Variants in THADA observed in about 807,000 individuals in gnomAD.
The protein encoded by THADA is THADA armadillo repeat containing, also known as tRNA (32-2'-O)-methyltransferase regulator THADA.
THADA carries 213 observed loss-of-function variants against 219.8 expected under a neutral mutation model. That is an observed-to-expected ratio of 0.97 (90% CI 0.87 to 1.09). The LOEUF is 1.09. Among genes scored for constraint, THADA ranks in the 50% least tolerant of loss-of-function variants. THADA has a pLI of 0.00. For synonymous variants in THADA, 1,018 were observed against 828.9 expected (o/e 1.23, Z -3.92); for missense variants, 2,956 against 2,311.3 (o/e 1.28, Z -5.72).
chr2:43,445,765 C>A (rs1681449913), intron 26 of THADA, among the ~76,000 whole-genome samples: 1 of 152,228 alleles, frequency 6.6e-6, no homozygotes, highest in African/African-American at 2.4e-5. Flanking sequence ...CCTCAAACTC[C>A]TGGGTTCAAG....
intron 26 of THADA, among the ~76,000 whole-genome samples, chr2:43,455,506 T>TCG (rs761851811): frequency 2.7e-5 from 3 of 111,800 alleles, no homozygotes; most frequent in African/African-American, 4.0e-5. Flanking sequence ...GTGCTCTCGC[T>TCG]CTCTCTCTCT....
chr2:43,530,376 C>A (rs1221483349), intron 21 of THADA, among the ~76,000 whole-genome samples: 1 of 152,130 alleles, frequency 6.6e-6, no homozygotes, highest in Non-Finnish European at 1.5e-5. Context: ...CCGAATTAAA[C>A]CCCTAAAATA....
In THADA at chr2:43,574,955, G is replaced by A. The variant is rs755376120; in HGVS notation, c.1110C>T (p.Val370=). 1.9e-6 allele frequency: 3 copies of A among 1,613,862 alleles called. No homozygotes were observed. The highest frequency in any genetic ancestry group is 2.5e-6 in the Non-Finnish European group (3 of 1,179,904). The change falls in exon 11 of 38, where the codon GTC becomes GTT. Residue 370 remains valine, a synonymous_variant. Coordinates refer to ENST00000405975, the MANE Select transcript of THADA (RefSeq NM_022065.5). ...LASWTNSAIQ[V]LESSSPSLTD... ...TTAGGCTCGGGGAACTTGATTCAAG[G>A]ACTTGTATGGCTGAATTAGTCCAGG... is the stretch of plus-strand genomic sequence containing the variant.
At chr2:43,359,931 G>C (rs551874607) in intron 29 of THADA, among the ~76,000 whole-genome samples, 15 of 151,046 alleles carry the variant, frequency 9.9e-5, no homozygotes, top group Non-Finnish European at 1.8e-4. Flanking sequence ...GCTCCAACGG[G>C]CTTTTTTTTT....
rs34171011 is a variant in THADA at position 43,580,024 on chromosome 2, C to CT, written c.722-1418dup. Among the ~76,000 whole-genome samples the CT allele has an allele frequency of 9.7e-3, 1,186 of 122,804 alleles. 28 individuals carry two copies. The highest frequency in any genetic ancestry group is 0.024 in the African/African-American group (762 of 31,448). The allele number at this position is 122,804 out of a possible 152,430, so 80.6% of individuals were successfully genotyped here. A position where few individuals can be genotyped will look rare whatever the true frequency, so the allele number is the denominator to read the frequency against. ...CAACTTTTCGGAAAAAAAGCTACTTCTTTTTTTTTTTTTTTTTTTGAGACG... is the reference window on the plus strand; with the variant it reads ...CAACTTTTCGGAAAAAAAGCTACTTCTTTTTTTTTTTTTTTTTTTTGAGACG... On this transcript the variant is annotated intron_variant, in intron 8 of 37. Transcript: ENST00000405975.
chr2:43,232,446 G>A (rs1263434808), intron 37 of THADA, among the ~76,000 whole-genome samples: 1 of 152,058 alleles, frequency 6.6e-6, no homozygotes, highest in Non-Finnish European at 1.5e-5. Context: ...CCAAAGTGCT[G>A]GGATTACAAG....
chr2:43,419,433 G>A (rs779713653), intron 28 of THADA, among the ~76,000 whole-genome samples: 2 of 152,176 alleles, frequency 1.3e-5, no homozygotes, highest in African/African-American at 2.4e-5. Flanking sequence ...AGAAATAGAC[G>A]GTGGGGGCCA....
intron 22 of THADA, among the ~76,000 whole-genome samples, chr2:43,517,568 G>C (rs1691882617): frequency 6.6e-6 from 1 of 152,070 alleles, no homozygotes; most frequent in Non-Finnish European, 1.5e-5. Flanking sequence ...AGCTTAGAAA[G>C]GAATAGTATA....
chr2:43,391,937 A>G (rs1673432160), intron 29 of THADA: 2 of 152,280 alleles, frequency 1.3e-5, no homozygotes, highest in Admixed American at 1.3e-4. Context: ...ACCTGACAAG[A>G]GTGAGCATTT....
At chr2:43,426,868 G>C (rs1392980176) in intron 28 of THADA, among the ~76,000 whole-genome samples, 2 of 152,170 alleles carry the variant, frequency 1.3e-5, no homozygotes, top group Non-Finnish European at 2.9e-5. Context: ...CAAGAGCTAA[G>C]CAGAAAGGTA....
At chr2:43,466,488 T>G (rs777440355) in intron 26 of THADA, among the ~76,000 whole-genome samples, 100 of 152,290 alleles carry the variant, frequency 6.6e-4, no homozygotes, top group Non-Finnish European at 9.9e-4. Context: ...TATATGAGAA[T>G]ATTCACGCTG....
chr2:43,348,611 A>AAATCCAGTTTTCCCAGCACCATT (rs1667907582), intron 29 of THADA, among the ~76,000 whole-genome samples: 1 of 152,150 alleles, frequency 6.6e-6, no homozygotes, highest in African/African-American at 2.4e-5. Context: ...AGAGGAAAGG[A>AAATCCAGTTTTCCCAGCACCATT]TACATCTGAG....
intron 26 of THADA, among the ~76,000 whole-genome samples, chr2:43,451,239 C>T (rs1019992527): frequency 6.6e-6 from 1 of 152,148 alleles, no homozygotes; most frequent in East Asian, 1.9e-4. Flanking sequence ...AAGCACAGAT[C>T]CTGAACTGCC....
At chr2:43,515,216 T>C (rs1173351856) in intron 22 of THADA, among the ~76,000 whole-genome samples, 2 of 75,334 alleles carry the variant, frequency 2.7e-5, no homozygotes, top group African/African-American at 5.2e-5. Flanking sequence ...TAATATATAA[T>C]ATATTATATA....
In THADA at chr2:43,591,980, C is replaced by T. The variant is rs765246231; in HGVS notation, c.143G>A (p.Gly48Glu). Residue 48 changes from glycine (G) to glutamate (E), a missense_variant, in exon 3 of 38, where the codon GGA (glycine) becomes GAA (glutamate). Gly to Glu is a moderately conservative substitution (Grantham distance 98, BLOSUM62 -2). Transcript: ENST00000405975. ...LLLHCVQLTD[G>E]VSQIHYIKQI... ...TTTAATATAATGGATTTGTGACACTCCATCCGTGAGTTGCACACAATGTAA... is the reference window on the plus strand; with the variant it reads ...TTTAATATAATGGATTTGTGACACTTCATCCGTGAGTTGCACACAATGTAA... 5 of 1,557,020 alleles carry T rather than the reference C, an allele frequency of 3.2e-6. No homozygotes were observed. In the South Asian group the frequency reaches 4.8e-5, roughly 15 times the overall value.
chr2:43,430,829 C>T (rs932046631), intron 26 of THADA, among the ~76,000 whole-genome samples: 1 of 152,154 alleles, frequency 6.6e-6, no homozygotes, highest in East Asian at 1.9e-4. Flanking sequence ...CCCTCCCCAA[C>T]AATCATGACA....
chr2:43,356,522 G>A (rs1316346711), intron 29 of THADA, among the ~76,000 whole-genome samples: 1 of 152,148 alleles, frequency 6.6e-6, no homozygotes, highest in East Asian at 1.9e-4. Flanking sequence ...TAAAATATCT[G>A]CTAATTCCCC....
chr2:43,435,337 TA>T (rs1679935674), intron 26 of THADA, among the ~76,000 whole-genome samples: 1 of 151,954 alleles, frequency 6.6e-6, no homozygotes, highest in South Asian at 2.1e-4. Context: ...TGCACGCCTG[TA>T]ATCCCAGCTA....
intron 26 of THADA, among the ~76,000 whole-genome samples, chr2:43,482,447 T>C (rs774846343): frequency 2.0e-5 from 3 of 152,188 alleles, no homozygotes; most frequent in Non-Finnish European, 4.4e-5. Flanking sequence ...AGTAACATTA[T>C]GTAAAGCCTT....
Sources: gnomAD v4.1 joint callset for allele counts (sites outside exome capture counted in the v4.1 genomes callset) on GRCh38, gnomAD v4.1.1 for gene constraint, MANE v1.5 for transcripts, NCBI Gene and HGNC (gene_info 2026-07-23, HGNC 2026-07-21) for gene names.